The following DOCK2 variants were observed in gnomAD, a reference collection of about 807,000 sequenced individuals.
DOCK2 encodes dedicator of cytokinesis protein 2.
Under a neutral mutation model 248.9 loss-of-function variants are expected in DOCK2, and 87 were observed. The observed-to-expected ratio is 0.35, with a 90% CI of 0.29 to 0.42. The LOEUF is 0.42. Among genes scored for constraint, DOCK2 ranks in the 10% least tolerant of loss-of-function variants. The pLI is 1.00. For synonymous variants in DOCK2, 805 were observed against 821.6 expected (o/e 0.98, Z 0.35); for missense variants, 1,747 against 2,300.2 (o/e 0.76, Z 4.92).
chr5:169,692,856 GT>G (rs1258409058), intron 9 of DOCK2, among the ~76,000 whole-genome samples: 4 of 152,256 alleles, frequency 2.6e-5, no homozygotes, highest in Admixed American at 2.6e-4. Flanking sequence ...TTCTCTCTGT[GT>G]TTGTCTGTGC....
intron 2 of DOCK2, among the ~76,000 whole-genome samples, chr5:169,660,593 C>T (rs1223593503): frequency 6.6e-6 from 1 of 152,102 alleles, no homozygotes; most frequent in East Asian, 1.9e-4. Flanking sequence ...TTGAATGTAC[C>T]CCTCACTGAG....
intron 26 of DOCK2, among the ~76,000 whole-genome samples, chr5:169,821,960 G>A (rs998944215): frequency 1.3e-5 from 2 of 152,052 alleles, no homozygotes; most frequent in Non-Finnish European, 2.9e-5. Context: ...AAAGGCAGAG[G>A]TTGCAATCCT....
At chr5:169,769,165 C>A (rs1486072117) in intron 25 of DOCK2, among the ~76,000 whole-genome samples, 1 of 152,216 alleles carries the variant, frequency 6.6e-6, no homozygotes, top group Non-Finnish European at 1.5e-5. Context: ...TTAAAAATTT[C>A]AATACATGGT....
At position 170,005,551 on chromosome 5, in the gene DOCK2, A is replaced by G. The variant is rs1754998289; in HGVS notation, c.3073-2946A>G. 2.0e-5 allele frequency among the ~76,000 whole-genome samples: 3 copies of G among 152,254 alleles called. 1 individual carries two copies. In the South Asian group the frequency reaches 6.2e-4, roughly 32 times the overall value. On this transcript the variant is annotated intron_variant, in intron 30 of 51. Coordinates refer to ENST00000520908, the MANE Select transcript of DOCK2 (RefSeq NM_004946.3). ...GATGCCTCATGCTTGTATAGGTTCC[A>G]GGGACAGGGTAGGGGAAGGTGTTGG... is the stretch of plus-strand genomic sequence containing the variant.
chr5:169,799,104 C>T (rs1217269171), intron 25 of DOCK2, among the ~76,000 whole-genome samples: 1 of 152,162 alleles, frequency 6.6e-6, no homozygotes, highest in Non-Finnish European at 1.5e-5. Flanking sequence ...TACTCATTGT[C>T]ATCACCTGGA....
intron 6 of DOCK2, 122 bp downstream of exon 6, chr5:169,674,567 G>A: frequency 6.9e-7 from 1 of 1,459,626 alleles, no homozygotes; most frequent in Non-Finnish European, 9.2e-7. Flanking sequence ...TTGGGAGAAG[G>A]TTGTGACCAA....
intron 3 of DOCK2, 30 bp from the exon 4 acceptor site, chr5:169,670,511 AT>A: frequency 6.2e-7 from 1 of 1,605,736 alleles, no homozygotes; most frequent in Non-Finnish European, 8.5e-7. Context: ...TTTTTATTTT[AT>A]TTTGTTTTGT....
At position 170,008,683 on chromosome 5, in the gene DOCK2, C is replaced by G; in HGVS notation, c.3174-5C>G. 1 of 1,614,008 alleles carries G rather than the reference C, an allele frequency of 6.2e-7. No individual in the cohort carries two copies. Among genetic ancestry groups the G allele is most frequent in the Non-Finnish European group, 8.5e-7 (1 of 1,179,960 alleles). On this transcript the variant is annotated splice_polypyrimidine_tract_variant and splice_region_variant and intron_variant, in intron 31 of 51. Coordinates refer to ENST00000520908, the MANE Select transcript of DOCK2 (RefSeq NM_004946.3). ...GCCTGAAGCAGAGGTTTTTGTTCCT[C>G]CTAGGTATGGGGACATGAGACGGCT...
intron 45 of DOCK2, among the ~76,000 whole-genome samples, chr5:170,068,679 G>T (rs1461070198): frequency 6.6e-6 from 1 of 152,188 alleles, no homozygotes; most frequent in African/African-American, 2.4e-5. Flanking sequence ...GAGGCCATGA[G>T]GTGAGCTGGA....
intron 26 of DOCK2, among the ~76,000 whole-genome samples, chr5:169,839,424 TG>T (rs1455206576): frequency 6.6e-6 from 1 of 152,184 alleles, no homozygotes; most frequent in Non-Finnish European, 1.5e-5. Context: ...GTTGCACACC[TG>T]GCAAATACAG....
intron 22 of DOCK2, among the ~76,000 whole-genome samples, chr5:169,746,309 G>A (rs1201045833): frequency 6.6e-6 from 1 of 152,130 alleles, no homozygotes; most frequent in Non-Finnish European, 1.5e-5. Context: ...GTAGAAAGAC[G>A]GGAAAGAAGG....
intron 8 of DOCK2, among the ~76,000 whole-genome samples, chr5:169,688,806 A>T (rs1057187747): frequency 1.3e-5 from 2 of 152,240 alleles, no homozygotes; most frequent in African/African-American, 4.8e-5. Flanking sequence ...ACAGCTCTAC[A>T]TTCAAAGGGT....
intron 2 of DOCK2, among the ~76,000 whole-genome samples, chr5:169,655,431 C>T (rs1489460140): frequency 1.3e-5 from 2 of 152,216 alleles, no homozygotes; most frequent in African/African-American, 2.4e-5. Flanking sequence ...AGGGAGGAGG[C>T]AGGTGTGCCA....
chr5:170,075,726 G>A, intron 46 of DOCK2: 1 of 549,896 alleles, frequency 1.8e-6, no homozygotes. Flanking sequence ...TATGAGGCAA[G>A]GGAAGCTGGG....
chr5:169,669,718 C>A (rs1758936991), intron 3 of DOCK2, among the ~76,000 whole-genome samples: 1 of 152,216 alleles, frequency 6.6e-6, no homozygotes, highest in South Asian at 2.1e-4. Flanking sequence ...AAAGGACAGG[C>A]CTGATTTCTA....
intron 22 of DOCK2, among the ~76,000 whole-genome samples, chr5:169,728,423 G>C (rs1219830027): frequency 6.6e-6 from 1 of 151,992 alleles, no homozygotes; most frequent in Non-Finnish European, 1.5e-5. Flanking sequence ...CCATTGAAGG[G>C]ATGGGTGAAA....
intron 20 of DOCK2, 49 bp from the exon 21 acceptor site, chr5:169,717,334 TC>T: frequency 6.6e-7 from 1 of 1,524,464 alleles, no homozygotes; most frequent in Non-Finnish European, 9.1e-7. Flanking sequence ...AAAGATGGCT[TC>T]CTGCCCTGGG....
chr5:169,916,457 G>A (rs1016701603), intron 27 of DOCK2, among the ~76,000 whole-genome samples: 2 of 152,238 alleles, frequency 1.3e-5, no homozygotes, highest in Admixed American at 6.5e-5. Context: ...TAGAGAGTGA[G>A]AGCAGCATAG....
chr5:169,747,984 A>G (rs747664942), intron 23 of DOCK2, among the ~76,000 whole-genome samples: 77 of 152,188 alleles, frequency 5.1e-4, no homozygotes, highest in Non-Finnish European at 7.9e-4. Flanking sequence ...GTGTTTGGGA[A>G]GGAGTTGAGC....
Sources: allele counts gnomAD v4.1 joint callset (sites outside exome capture counted in the v4.1 genomes callset), GRCh38; gene constraint gnomAD v4.1.1; transcripts MANE v1.5; gene names NCBI Gene and HGNC (gene_info 2026-07-23, HGNC 2026-07-21).